The following GFRA1 variants were observed in gnomAD, a reference collection of about 807,000 sequenced individuals.
The protein encoded by GFRA1 is GDNF family receptor alpha-1.
GFRA1 carries 16 observed loss-of-function variants against 51.6 expected under a neutral mutation model. That is an observed-to-expected ratio of 0.31 (90% CI 0.21 to 0.47). The LOEUF (loss-of-function observed/expected upper bound fraction) is 0.47, where lower values mean the gene tolerates loss of function less well. Among genes scored for constraint, GFRA1 ranks in the 20% least tolerant of loss-of-function variants. GFRA1 has a pLI of 1.00. For missense variants in GFRA1, 530 were observed against 594.3 expected (o/e 0.89, Z 1.13); for synonymous variants, 270 against 241.3 (o/e 1.12, Z -1.10).
intron 4 of GFRA1, among the ~76,000 whole-genome samples, chr10:116,232,574 CA>C (rs1405759273): frequency 1.3e-5 from 2 of 151,484 alleles, no homozygotes; most frequent in African/African-American, 2.4e-5. Flanking sequence ...AACAAATCAC[CA>C]GAACAAAAAG....
intron 4 of GFRA1, among the ~76,000 whole-genome samples, chr10:116,231,662 C>T (rs1419773289): frequency 3.3e-5 from 5 of 152,068 alleles, no homozygotes; most frequent in Non-Finnish European, 7.3e-5. Context: ...AATTCTAGAC[C>T]TTTGTCTTTT....
At chr10:116,175,731 C>T (rs755961726) in intron 5 of GFRA1, among the ~76,000 whole-genome samples, 8 of 152,066 alleles carry the variant, frequency 5.3e-5, no homozygotes, top group East Asian at 1.9e-4. Context: ...AAAACGTAAA[C>T]GTCAATATGG....
At chr10:116,206,666 C>A (rs1047407476) in intron 5 of GFRA1, among the ~76,000 whole-genome samples, 1 of 137,442 alleles carries the variant, frequency 7.3e-6, no homozygotes, top group African/African-American at 2.6e-5. Flanking sequence ...CTCACTCTGT[C>A]GCCCAGGCTG....
At chr10:116,087,900 C>T (rs751391807) in intron 9 of GFRA1, among the ~76,000 whole-genome samples, 2 of 152,184 alleles carry the variant, frequency 1.3e-5, no homozygotes, top group African/African-American at 2.4e-5. Context: ...AGCAGTTCCA[C>T]GCCATAGTAT....
At chr10:116,200,620 G>C (rs1964254566) in intron 5 of GFRA1, among the ~76,000 whole-genome samples, 1 of 152,190 alleles carries the variant, frequency 6.6e-6, no homozygotes, top group South Asian at 2.1e-4. Context: ...GTGCCAACGG[G>C]GTGGGGATCT....
At chr10:116,237,751 C>G (rs193258624) in intron 4 of GFRA1, among the ~76,000 whole-genome samples, 1 of 152,252 alleles carries the variant, frequency 6.6e-6, no homozygotes, top group East Asian at 1.9e-4. Context: ...CCTACTGATT[C>G]TCCATACTTA....
rs1019471763 is a variant in GFRA1 at position 116,059,291 on chromosome 10, A to C, written c.*5107T>G. 6.6e-6 allele frequency: 1 copy of C among 152,226 alleles called. No individual in the cohort carries two copies. Among genetic ancestry groups the C allele is most frequent in the Non-Finnish European group, 1.5e-5 (1 of 68,048 alleles). The allele number at this position is 152,226 out of a possible 1,614,324, so 9.4% of individuals were successfully genotyped here. On this transcript the variant is annotated 3_prime_UTR_variant, in exon 11 of 11. Coordinates refer to ENST00000355422, the MANE Select transcript of GFRA1 (RefSeq NM_005264.8). ...CAGCAAGAGATGTTCAAACTAAGTA[A>C]GAGTCTAAAGATCTCTGGCCAGTCT...
intron 2 of GFRA1, among the ~76,000 whole-genome samples, 181 bp from the exon 3 acceptor site, chr10:116,271,296 A>G (rs1843913707): frequency 6.6e-6 from 1 of 151,934 alleles, no homozygotes; most frequent in Admixed American, 6.5e-5. Context: ...CTGGAATTCC[A>G]GCTCCTCTCT....
At chr10:116,241,002 T>C (rs945334060) in intron 4 of GFRA1, among the ~76,000 whole-genome samples, 6 of 152,188 alleles carry the variant, frequency 3.9e-5, no homozygotes, top group Non-Finnish European at 8.8e-5. Flanking sequence ...CCAAATCATC[T>C]GCTCCAGACC....
intron 6 of GFRA1, among the ~76,000 whole-genome samples, chr10:116,122,257 G>A (rs992245593): frequency 8.5e-5 from 13 of 152,122 alleles, no homozygotes; most frequent in African/African-American, 2.9e-4. Flanking sequence ...GCACAGACAC[G>A]CCACTAGTCC....
chr10:116,238,265 G>A (rs1015184300), intron 4 of GFRA1, among the ~76,000 whole-genome samples: 2 of 152,122 alleles, frequency 1.3e-5, no homozygotes, highest in East Asian at 3.9e-4. Context: ...CCTGGGGAAC[G>A]CCGCCTGCCA....
chr10:116,266,799 GC>G (rs1164172632), intron 4 of GFRA1, among the ~76,000 whole-genome samples: 2 of 152,204 alleles, frequency 1.3e-5, no homozygotes, highest in African/African-American at 2.4e-5. Flanking sequence ...GAATGACCAT[GC>G]CTCCTTAACA....
intron 5 of GFRA1, among the ~76,000 whole-genome samples, chr10:116,151,337 G>A (rs543121587): frequency 4.4e-4 from 67 of 152,222 alleles, no homozygotes; most frequent in African/African-American, 1.5e-3. Context: ...GGGACACTCT[G>A]GCAGTTTATG....
At chr10:116,085,499 C>G (rs190748926) in intron 9 of GFRA1, among the ~76,000 whole-genome samples, 1 of 151,110 alleles carries the variant, frequency 6.6e-6, no homozygotes, top group Non-Finnish European at 1.5e-5. Context: ...AAACGCCATT[C>G]TAAGATATTT....
intron 9 of GFRA1, among the ~76,000 whole-genome samples, chr10:116,088,843 C>T (rs568511840): frequency 6.0e-4 from 87 of 145,286 alleles, no homozygotes; most frequent in Admixed American, 1.0e-3. Context: ...ATGGCGTGAA[C>T]CCGGGAGGCG....
At chr10:116,213,361 A>T (rs186931227) in intron 4 of GFRA1, among the ~76,000 whole-genome samples, 37 of 152,184 alleles carry the variant, frequency 2.4e-4, no homozygotes, top group African/African-American at 8.2e-4. Context: ...GATTATTTTG[A>T]ATGAAAATAT....
chr10:116,220,315 G>A (rs1317064478), intron 4 of GFRA1, among the ~76,000 whole-genome samples: 1 of 152,126 alleles, frequency 6.6e-6, no homozygotes, highest in African/African-American at 2.4e-5. Context: ...TACACTTCCT[G>A]AAAGATGCTT....
chr10:116,186,425 T>C (rs1180993460), intron 5 of GFRA1, among the ~76,000 whole-genome samples: 1 of 152,186 alleles, frequency 6.6e-6, no homozygotes, highest in Non-Finnish European at 1.5e-5. Context: ...GAGCACAGTT[T>C]TGCCAACAGT....
At chr10:116,236,819 G>A (rs1387133018) in intron 4 of GFRA1, among the ~76,000 whole-genome samples, 1 of 152,168 alleles carries the variant, frequency 6.6e-6, no homozygotes, top group Non-Finnish European at 1.5e-5. Flanking sequence ...GTGAGATCCT[G>A]TGATTATCTG....
Sources: allele counts gnomAD v4.1 joint callset (sites outside exome capture counted in the v4.1 genomes callset), GRCh38; gene constraint gnomAD v4.1.1; transcripts MANE v1.5; gene names NCBI Gene and HGNC (gene_info 2026-07-23, HGNC 2026-07-21).